The following TMEM131 variants were observed in gnomAD, a reference collection of about 807,000 sequenced individuals.
TMEM131 encodes the protein transmembrane protein 131, also known as 2610524E03Rik.
Under a neutral mutation model 211.6 loss-of-function variants are expected in TMEM131, and 66 were observed. The ratio of observed to expected loss-of-function variants is 0.31; its 90% confidence interval spans 0.26 to 0.38. The LOEUF (loss-of-function observed/expected upper bound fraction) is 0.38, where lower values mean the gene tolerates loss of function less well. Among genes scored for constraint, TMEM131 ranks in the 10% least tolerant of loss-of-function variants. The pLI is 1.00. For missense variants in TMEM131, 2,036 were observed against 2,299.3 expected, an observed-to-expected ratio of 0.89 and a Z score of 2.34; for synonymous variants, 844 against 841.3, an observed-to-expected ratio of 1.00 and a Z score of -0.06.
At chr2:97,963,146 T>A (rs1290111722) in intron 1 of TMEM131, among the ~76,000 whole-genome samples, 1 of 152,200 alleles carries the variant, frequency 6.6e-6, no homozygotes, top group African/African-American at 2.4e-5. Context: ...TAGTGAATAT[T>A]ACTGTATGCA....
intron 3 of TMEM131, among the ~76,000 whole-genome samples, chr2:97,903,882 C>T (rs887873307): frequency 6.6e-6 from 1 of 151,968 alleles, no homozygotes; most frequent in Non-Finnish European, 1.5e-5. Flanking sequence ...AAGCTGGTCT[C>T]GAACTCCTAA....
chr2:97,909,744 A>G (rs1327485762), intron 2 of TMEM131, among the ~76,000 whole-genome samples: 1 of 152,194 alleles, frequency 6.6e-6, no homozygotes, highest in African/African-American at 2.4e-5. Flanking sequence ...CGTACTAGGT[A>G]AAGTGTAAGG....
At chr2:97,815,390 TAAAAAA>T in intron 12 of TMEM131, 83 bp from the exon 13 acceptor site, 1 of 632,074 alleles carries the variant, frequency 1.6e-6, no homozygotes. Flanking sequence ...GACAAAATCT[TAAAAAA>T]AAAAAAAGTT....
intron 1 of TMEM131, among the ~76,000 whole-genome samples, chr2:97,974,312 T>TA (rs1011963624): frequency 7.2e-5 from 11 of 152,002 alleles, no homozygotes; most frequent in African/African-American, 2.7e-4. Flanking sequence ...GGAAAAGATC[T>TA]AAAAAACCTA....
chr2:97,757,390 C>T lies in TMEM131; in HGVS notation c.5368-7G>A, dbSNP rs200033604. Reference sequence around the variant, plus strand: ...TGGTGTTACCGAGGACCGACTGCGACAAAACAGAAAGCGTCCAGCACTGAG... The same window carrying T: ...TGGTGTTACCGAGGACCGACTGCGATAAAACAGAAAGCGTCCAGCACTGAG... On this transcript the variant is annotated splice_polypyrimidine_tract_variant and splice_region_variant and intron_variant, in intron 40 of 40. Coordinates refer to ENST00000186436, the MANE Select transcript of TMEM131 (RefSeq NM_015348.2). 2 of 1,585,034 alleles carry T rather than the reference C, an allele frequency of 1.3e-6. No individual in the cohort carries two copies. Among genetic ancestry groups the T allele is most frequent in the Non-Finnish European group, 1.7e-6 (2 of 1,162,226 alleles).
chr2:97,845,355 G>C (rs1392973264), intron 5 of TMEM131, among the ~76,000 whole-genome samples: 1 of 152,014 alleles, frequency 6.6e-6, no homozygotes, highest in African/African-American at 2.4e-5. Flanking sequence ...GTGTGAACTT[G>C]CACGGGAGCA....
chr2:97,914,816 T>C (rs1245278535), intron 2 of TMEM131, among the ~76,000 whole-genome samples: 5 of 152,250 alleles, frequency 3.3e-5, no homozygotes, highest in African/African-American at 1.2e-4. Context: ...GGGGCTATTA[T>C]AAACAGAGCT....
chr2:97,775,790 G>C, intron 32 of TMEM131, 53 bp downstream of exon 32: 1 of 1,559,720 alleles, frequency 6.4e-7, no homozygotes, highest in Non-Finnish European at 8.7e-7. Flanking sequence ...CTTGTGAGCT[G>C]CAGGAGACCT....
At chr2:97,791,786 CA>C (rs1188498791) in intron 31 of TMEM131, among the ~76,000 whole-genome samples, 3 of 152,110 alleles carry the variant, frequency 2.0e-5, no homozygotes, top group Non-Finnish European at 4.4e-5. Flanking sequence ...ATACAGTAAG[CA>C]GAACTCTAAA....
At chr2:97,883,343 C>T (rs983777658) in intron 4 of TMEM131, among the ~76,000 whole-genome samples, 1 of 152,174 alleles carries the variant, frequency 6.6e-6, no homozygotes, top group Non-Finnish European at 1.5e-5. Context: ...TGCTATGCTT[C>T]AAATAAATTT....
At chr2:97,764,540 G>A (rs867690561) in intron 35 of TMEM131, 3 of 152,504 alleles carry the variant, frequency 2.0e-5, no homozygotes, top group Middle Eastern at 6.8e-3. Context: ...GTGGGCTGAG[G>A]AGACAAGCTC....
chr2:97,896,766 T>C (rs1024209737), intron 3 of TMEM131, among the ~76,000 whole-genome samples: 5 of 152,030 alleles, frequency 3.3e-5, no homozygotes, highest in Non-Finnish European at 7.4e-5. Context: ...CTTCAAAACA[T>C]GTAGTTTAAA....
At chr2:97,907,466 T>C (rs1215647117) in intron 3 of TMEM131, among the ~76,000 whole-genome samples, 2 of 152,212 alleles carry the variant, frequency 1.3e-5, no homozygotes, top group African/African-American at 4.8e-5. Context: ...GTTGATGCAG[T>C]CTGCATTTCG....
rs1680789888 is a variant in TMEM131 at position 97,796,832 on chromosome 2, AG to A, written c.3013+11del. The A allele has an allele frequency of 6.2e-7, 1 of 1,609,284 alleles. No homozygotes were observed. Among genetic ancestry groups the A allele is most frequent in the Non-Finnish European group, 8.5e-7 (1 of 1,178,072 alleles). ...TGAAATTAGTGTCCTTGAAACTGTT[AG>A]GAAGACTTACTATCTGTACAATCTT... On this transcript the variant is annotated intron_variant, in intron 27 of 40. Transcript: ENST00000186436.
intron 31 of TMEM131, among the ~76,000 whole-genome samples, chr2:97,779,007 C>T (rs915497480): frequency 6.6e-6 from 1 of 152,198 alleles, no homozygotes; most frequent in African/African-American, 2.4e-5. Context: ...GGTTCTTAAC[C>T]AGACACACTT....
chr2:97,812,334 T>C (rs947569849), intron 17 of TMEM131, 87 bp downstream of exon 17: 2 of 1,405,188 alleles, frequency 1.4e-6, no homozygotes, highest in Non-Finnish European at 1.9e-6. Flanking sequence ...ATAAAAATAA[T>C]AGTGATACAT....
rs528950459 is a variant in TMEM131, at chr2:97,786,008, C to T, written c.4144+6378G>A. On this transcript the variant is annotated intron_variant, in intron 31 of 40. Transcript: ENST00000186436. ...CATAAATGGAATCATAGTTGCCAGACTAAGGGGTAGGCTGAAGAAGGAGGG... is the reference window on the plus strand; with the variant it reads ...CATAAATGGAATCATAGTTGCCAGATTAAGGGGTAGGCTGAAGAAGGAGGG... Among the ~76,000 whole-genome samples, 6 of 152,194 alleles carry T rather than the reference C, an allele frequency of 3.9e-5. No individual in the cohort carries two copies. The South Asian group carries it at 1.2e-3, about 32-fold the overall frequency.
At chr2:97,849,589 C>T (rs959529039) in intron 5 of TMEM131, among the ~76,000 whole-genome samples, 43 of 151,782 alleles carry the variant, frequency 2.8e-4, no homozygotes, top group African/African-American at 9.7e-4. Context: ...GAACTATACA[C>T]TAAAAGGGTG....
At chr2:97,762,243 A>G in intron 35 of TMEM131, 43 bp from the exon 36 acceptor site, 1 of 1,589,264 alleles carries the variant, frequency 6.3e-7, no homozygotes, top group Non-Finnish European at 8.6e-7. Flanking sequence ...TGGTGTTTTG[A>G]TTAGCGCTCT....
Sources: allele counts gnomAD v4.1 joint callset (sites outside exome capture counted in the v4.1 genomes callset), GRCh38; gene constraint gnomAD v4.1.1; transcripts MANE v1.5; gene names NCBI Gene and HGNC (gene_info 2026-07-23, HGNC 2026-07-21).